Variants in DNMT3A observed in about 807,000 individuals in gnomAD.
DNMT3A encodes DNA methyltransferase 3 alpha.
Under a neutral mutation model 117.6 loss-of-function variants are expected in DNMT3A, and 267 were observed. The observed-to-expected ratio is 2.27, with a 90% CI of 2.05 to 2.51. DNMT3A has a LOEUF of 2.51. Ranked by LOEUF, DNMT3A falls within the 30% of genes most tolerant of loss-of-function variation. DNMT3A has a pLI of 0.00. For synonymous variants in DNMT3A, 432 were observed against 474.8 expected (o/e 0.91, Z 1.17); for missense variants, 1,029 against 1,260.2 (o/e 0.82, Z 2.78).
Position 25,300,704 on chromosome 2 carries a change from A to T in DNMT3A, c.73-461T>A, listed in dbSNP as rs55665346. On this transcript the variant is annotated intron_variant, in intron 2 of 22. Coordinates refer to ENST00000321117, the MANE Select transcript of DNMT3A (RefSeq NM_022552.5). ...ATTTAGATATATATTTATATATCTA[A>T]ATAATATAATATATATATATATATA... Among the ~76,000 whole-genome samples, 180 of 52,126 alleles carry T rather than the reference A, an allele frequency of 3.5e-3. 12 individuals are homozygous for T. The highest frequency in any genetic ancestry group is 0.012 in the African/African-American group (161 of 13,106). 34.2% of individuals were successfully genotyped at this position (52,126 alleles called of 152,430 possible).
At chr2:25,302,141 G>C (rs1311185598) in intron 2 of DNMT3A, among the ~76,000 whole-genome samples, 2 of 152,100 alleles carry the variant, frequency 1.3e-5, no homozygotes, top group African/African-American at 4.8e-5. Context: ...CCCGGTCTTA[G>C]CATAGGTGGT....
rs935292386 is a variant in DNMT3A, at chr2:25,248,043, C to G, written c.849G>C (p.Glu283Asp). ...TGGTGAAGAAGCCGCTCACCTCGTA[C>G]TCTGGCTCGTCATCGCCTGCTTTGG... ...NATKAGDDEP[E>D]YEDGRGFGIG... is the part of the protein sequence containing the mutation. The change falls in exon 7 of 23, where the codon GAG (glutamate) becomes GAC (aspartate). Residue 283 changes from glutamate (E) to aspartate (D), a missense_variant. Physicochemically the swap from Glu to Asp is conservative, Grantham distance 45 (BLOSUM62 2). Transcript: ENST00000321117. 1 of 1,612,022 alleles carries G rather than the reference C, an allele frequency of 6.2e-7. No homozygotes were observed. Among genetic ancestry groups the G allele is most frequent in the Non-Finnish European group, 8.5e-7 (1 of 1,179,938 alleles).
intron 1 of DNMT3A, among the ~76,000 whole-genome samples, chr2:25,326,909 G>C (rs539826062): frequency 4.6e-5 from 7 of 152,296 alleles, no homozygotes; most frequent in Non-Finnish European, 1.0e-4. Flanking sequence ...ACGTAGCAGC[G>C]GTGTGCTTCC....
At chr2:25,319,931 G>A (rs1415084099) in intron 1 of DNMT3A, among the ~76,000 whole-genome samples, 2 of 152,062 alleles carry the variant, frequency 1.3e-5, no homozygotes, top group African/African-American at 4.8e-5. Flanking sequence ...CGCCATGCCC[G>A]GCTAATTTTT....
intron 1 of DNMT3A, among the ~76,000 whole-genome samples, chr2:25,325,929 G>A (rs1242333961): frequency 6.6e-6 from 1 of 152,190 alleles, no homozygotes; most frequent in African/African-American, 2.4e-5. Context: ...TGAGGGTTTG[G>A]GTTACTCCAC....
chr2:25,240,279 C>T, intron 19 of DNMT3A, 23 bp downstream of exon 19: 1 of 1,613,858 alleles, frequency 6.2e-7, no homozygotes, highest in Non-Finnish European at 8.5e-7. Context: ...GTGAGCTGGC[C>T]AAACCAAGGT....
chr2:25,311,171 C>T lies in DNMT3A; in HGVS notation c.72+2742G>A, dbSNP rs2034095122. ...GCGGCGGTGGGCAGAGGCTAGAGGGCCACATGGGGCCAGGCAGTGGAAGGG... is the reference window on the plus strand; with the variant it reads ...GCGGCGGTGGGCAGAGGCTAGAGGGTCACATGGGGCCAGGCAGTGGAAGGG... On this transcript the variant is annotated intron_variant, in intron 2 of 22. Coordinates refer to ENST00000321117, the MANE Select transcript of DNMT3A (RefSeq NM_022552.5). The surrounding 1 kb of genome is among the most constrained non-coding windows in gnomAD (Gnocchi z 5.2). Among the ~76,000 whole-genome samples the T allele has an allele frequency of 2.0e-5, 3 of 151,732 alleles. No homozygotes were observed. Among genetic ancestry groups the T allele is most frequent in the Admixed American group, 6.6e-5 (1 of 15,244 alleles).
Position 25,240,399 on chromosome 2 carries a change from C to CT in DNMT3A, c.2224_2225insA (p.Arg742GlnfsTer7). On this transcript the variant is annotated frameshift_variant, in exon 19 of 23. Transcript: ENST00000321117. LOFTEE classifies it high-confidence loss of function. ...GGGGCGATCATCTCCCTCCTTGGGC[C>CT]GCGCATCATGCAGGAGGCGGTAGAA... 1 of 1,613,796 alleles carries CT rather than the reference C, an allele frequency of 6.2e-7. No homozygotes were observed. The highest frequency in any genetic ancestry group is 8.5e-7 in the Non-Finnish European group (1 of 1,179,864).
chr2:25,272,540 A>G (rs889608575), intron 6 of DNMT3A, among the ~76,000 whole-genome samples: 3 of 152,232 alleles, frequency 2.0e-5, no homozygotes, highest in Non-Finnish European at 4.4e-5. Flanking sequence ...TCACAGAACC[A>G]GGAGCTAAAA....
intron 6 of DNMT3A, among the ~76,000 whole-genome samples, chr2:25,250,339 G>C (rs541285491): frequency 4.7e-4 from 72 of 152,340 alleles, no homozygotes; most frequent in Middle Eastern, 3.4e-3. Flanking sequence ...CACTGAAGAT[G>C]TTAAGTCCTA....
chr2:25,317,818 C>T (rs1278830938), intron 1 of DNMT3A, among the ~76,000 whole-genome samples: 3 of 152,252 alleles, frequency 2.0e-5, no homozygotes, highest in Non-Finnish European at 4.4e-5. Context: ...TCACCGCAAC[C>T]TCCGCCTCGC....
At chr2:25,235,887 G>T in intron 21 of DNMT3A, 62 bp from the exon 22 acceptor site, 1 of 1,436,144 alleles carries the variant, frequency 7.0e-7, no homozygotes, top group Non-Finnish European at 9.8e-7. Flanking sequence ...CACTGGTCAT[G>T]CGTCTACCAA....
chr2:25,309,819 C>T (rs954617788), intron 2 of DNMT3A, among the ~76,000 whole-genome samples: 1 of 152,010 alleles, frequency 6.6e-6, no homozygotes, highest in Non-Finnish European at 1.5e-5. Flanking sequence ...TTTGAGAGGC[C>T]GAGGCGGGTG....
Position 25,305,950 on chromosome 2 carries a change from G to A in DNMT3A, c.73-5707C>T, listed in dbSNP as rs546762833. ...GAGCAGATGTCTCGAGTTGGTGCTT[G>A]AGTCGAGGGGATGAACTTGCCGGAT... On this transcript the variant is annotated intron_variant, in intron 2 of 22. Transcript: ENST00000321117. This position sits in a 1 kb window ranked among gnomAD's most constrained non-coding sequence, Gnocchi z 4.1. Among the ~76,000 whole-genome samples, 1 of 152,354 alleles carries A rather than the reference G, an allele frequency of 6.6e-6. No homozygotes were observed. The highest frequency in any genetic ancestry group is 2.1e-4 in the South Asian group (1 of 4,832).
At chr2:25,262,524 A>G (rs1216814619) in intron 6 of DNMT3A, among the ~76,000 whole-genome samples, 1 of 152,080 alleles carries the variant, frequency 6.6e-6, no homozygotes, top group Non-Finnish European at 1.5e-5. Flanking sequence ...TCCCAATACC[A>G]GACAAATTTT....
upstream of DNMT3A, chr2:25,341,967 C>T (rs2035481261): frequency 8.2e-6 from 8 of 973,110 alleles, no homozygotes; most frequent in Non-Finnish European, 9.7e-6. Flanking sequence ...CTCGCTCGCT[C>T]GCTCCCTCCC....
intron 16 of DNMT3A, chr2:25,242,096 A>C: frequency 9.3e-6 from 2 of 216,154 alleles, no homozygotes; most frequent in Non-Finnish European, 9.1e-6. Context: ...CTTTGACTCA[A>C]CCTGAATGTT....
chr2:25,340,161 A>G lies in DNMT3A; in HGVS notation c.-178+1665T>C, dbSNP rs535783742. ...CCCACCCTCCCGCCTGCCGCAGGCC[A>G]GAGCTGCCCTGCTGGGTGCCAGACG... On this transcript the variant is annotated intron_variant, in intron 1 of 22. Transcript: ENST00000321117. 2.0e-5 allele frequency among the ~76,000 whole-genome samples: 3 copies of G among 150,880 alleles called. No homozygotes were observed. The South Asian group carries it at 6.4e-4, about 32-fold the overall frequency.
chr2:25,335,820 G>C (rs1242896201), intron 1 of DNMT3A, among the ~76,000 whole-genome samples: 1 of 152,174 alleles, frequency 6.6e-6, no homozygotes, highest in Non-Finnish European at 1.5e-5. Context: ...GATCAATAGG[G>C]ATGGTGGTGA....
Sources: allele counts gnomAD v4.1 joint callset (sites outside exome capture counted in the v4.1 genomes callset), GRCh38; gene constraint gnomAD v4.1.1; non-coding constraint Gnocchi (gnomAD v3.1); transcripts MANE v1.5; gene names NCBI Gene and HGNC (gene_info 2026-07-23, HGNC 2026-07-21).